SAMD3: variants seen among roughly 807,000 people sequenced by gnomAD.
SAMD3 encodes sterile alpha motif domain-containing protein 3.
A neutral mutation model predicts 58.5 loss-of-function variants in SAMD3; 63 were observed. The observed-to-expected ratio is 1.08, with a 90% confidence interval of 0.88 to 1.33. The LOEUF (loss-of-function observed/expected upper bound fraction) is 1.33, where lower values mean the gene tolerates loss of function less well. Ranked by LOEUF, SAMD3 falls within the 40% of genes most tolerant of loss-of-function variation. The pLI is 0.00. For missense variants in SAMD3, 604 were observed against 608.4 expected, an observed-to-expected ratio of 0.99 and a Z score of 0.08; for synonymous variants, 220 against 210.3, an observed-to-expected ratio of 1.05 and a Z score of -0.40.
At chr6:130,343,634 C>A (rs1013903873) in intron 1 of SAMD3, among the ~76,000 whole-genome samples, 1 of 151,964 alleles carries the variant, frequency 6.6e-6, no homozygotes, top group East Asian at 1.9e-4. Flanking sequence ...ATGAAAATGG[C>A]AGGAGAAAAG....
At chr6:130,335,390 T>C (rs981305296) in intron 1 of SAMD3, among the ~76,000 whole-genome samples, 13 of 152,232 alleles carry the variant, frequency 8.5e-5, no homozygotes, top group African/African-American at 2.9e-4. Context: ...ATTCCATTAA[T>C]GCATCTTCCT....
intron 2 of SAMD3, among the ~76,000 whole-genome samples, chr6:130,271,153 C>A (rs1374312860): frequency 1.3e-5 from 2 of 152,072 alleles, no homozygotes; most frequent in Admixed American, 1.3e-4. Context: ...GAGCACCACA[C>A]CATACTTGGC....
At chr6:130,254,428 T>C (rs2114913940) in intron 2 of SAMD3, among the ~76,000 whole-genome samples, 1 of 152,208 alleles carries the variant, frequency 6.6e-6, no homozygotes, top group Non-Finnish European at 1.5e-5. Context: ...ACTCCCGACC[T>C]CAGGTTATCC....
At chr6:130,197,743 T>C (rs1422221091) in intron 5 of SAMD3, among the ~76,000 whole-genome samples, 2 of 151,912 alleles carry the variant, frequency 1.3e-5, no homozygotes, top group African/African-American at 4.8e-5. Flanking sequence ...CTCCATACCA[T>C]CCCCCAAAAT....
At chr6:130,180,659 A>G (rs1792225496) in intron 7 of SAMD3, among the ~76,000 whole-genome samples, 1 of 152,048 alleles carries the variant, frequency 6.6e-6, no homozygotes, top group Admixed American at 6.5e-5. Context: ...TTTTTAAGAG[A>G]AATTTTGCTT....
chr6:130,216,998 T>C (rs1467923308), intron 1 of SAMD3, among the ~76,000 whole-genome samples: 1 of 152,180 alleles, frequency 6.6e-6, no homozygotes, highest in Admixed American at 6.5e-5. Flanking sequence ...CATCGATGGA[T>C]AAAAGGAAAT....
chr6:130,303,504 T>C (rs1481913447), intron 2 of SAMD3, among the ~76,000 whole-genome samples: 1 of 152,218 alleles, frequency 6.6e-6, no homozygotes, highest in South Asian at 2.1e-4. Context: ...GGCCTTTCCA[T>C]GAATAGAAAT....
chr6:130,190,041 C>T (rs986368928), intron 5 of SAMD3, among the ~76,000 whole-genome samples: 2 of 152,138 alleles, frequency 1.3e-5, no homozygotes, highest in African/African-American at 4.8e-5. Context: ...AGGAAAACCC[C>T]AGAAAAGAAT....
chr6:130,335,048 G>A (rs1355099909), intron 1 of SAMD3, among the ~76,000 whole-genome samples: 1 of 152,130 alleles, frequency 6.6e-6, no homozygotes, highest in Non-Finnish European at 1.5e-5. Flanking sequence ...CAGGGGATGG[G>A]GCCAAGACCT....
At chr6:130,365,617 G>A, upstream of SAMD3, 3 of 985,476 alleles carry the variant, frequency 3.0e-6, no homozygotes, top group Non-Finnish European at 3.6e-6. Flanking sequence ...CCGGGTCCCT[G>A]GCTCGGTAAC....
chr6:130,154,312 C>T (rs1348519451), intron 9 of SAMD3, among the ~76,000 whole-genome samples: 1 of 150,766 alleles, frequency 6.6e-6, no homozygotes, highest in Non-Finnish European at 1.5e-5. Flanking sequence ...TCCTGAAATT[C>T]CTATCAAATG....
At chr6:130,329,619 T>C (rs554545272) in intron 1 of SAMD3, among the ~76,000 whole-genome samples, 147 of 152,298 alleles carry the variant, frequency 9.7e-4, no homozygotes, top group Non-Finnish European at 1.7e-3. Context: ...TGCACACTTA[T>C]GTTTACTGCA....
At chr6:130,289,421 T>A (rs951125833) in intron 2 of SAMD3, among the ~76,000 whole-genome samples, 7 of 152,242 alleles carry the variant, frequency 4.6e-5, no homozygotes, top group African/African-American at 1.7e-4. Flanking sequence ...TCCAGTGTTC[T>A]CCTCTTCTTG....
chr6:130,236,309 G>C (rs938294408), intron 2 of SAMD3, among the ~76,000 whole-genome samples: 5 of 152,116 alleles, frequency 3.3e-5, no homozygotes, highest in Non-Finnish European at 7.4e-5. Context: ...GACAAAGACA[G>C]CGGAAGTTAG....
At chr6:130,193,670 C>T (rs1793786924) in intron 5 of SAMD3, among the ~76,000 whole-genome samples, 1 of 152,176 alleles carries the variant, frequency 6.6e-6, no homozygotes, top group Admixed American at 6.5e-5. Flanking sequence ...TCACACCTGA[C>T]CTAAAACCTA....
At chr6:130,361,049 C>T (rs962182817) in intron 1 of SAMD3, among the ~76,000 whole-genome samples, 2 of 152,070 alleles carry the variant, frequency 1.3e-5, no homozygotes, top group Non-Finnish European at 2.9e-5. Flanking sequence ...AACACACATG[C>T]TCTACAATTT....
chr6:130,162,521 T>G (rs1477815793), intron 8 of SAMD3, among the ~76,000 whole-genome samples: 4 of 152,166 alleles, frequency 2.6e-5, no homozygotes, highest in Admixed American at 6.6e-5. Context: ...AAAAATTTTT[T>G]TAAGAAAACG....
At chr6:130,287,378 TATTC>T (rs1250553923) in intron 2 of SAMD3, among the ~76,000 whole-genome samples, 3 of 152,338 alleles carry the variant, frequency 2.0e-5, no homozygotes, top group Non-Finnish European at 4.4e-5. Flanking sequence ...AGTAGACAAT[TATTC>T]ATTCATTTCT....
At chr6:130,177,676 TTGTC>T (rs1310730915) in intron 7 of SAMD3, among the ~76,000 whole-genome samples, 3 of 152,158 alleles carry the variant, frequency 2.0e-5, no homozygotes, top group Non-Finnish European at 4.4e-5. Flanking sequence ...ATGTGATACT[TTGTC>T]TGTTTCTATT....
Sources: gnomAD v4.1 joint callset for allele counts (sites outside exome capture counted in the v4.1 genomes callset) on GRCh38, gnomAD v4.1.1 for gene constraint, MANE v1.5 for transcripts, NCBI Gene and HGNC (gene_info 2026-07-23, HGNC 2026-07-21) for gene names.